Variants in HMGCLL1 observed in about 807,000 individuals in gnomAD.
HMGCLL1 encodes 3-hydroxy-3-methylglutaryl-CoA lyase like 1, also known as 3-hydroxymethyl-3-methylglutaryl-CoA lyase, cytoplasmic.
In HMGCLL1, 36 loss-of-function variants were observed where a neutral mutation model predicts 39.1. The observed-to-expected ratio is 0.92, with a 90% confidence interval of 0.71 to 1.22. HMGCLL1 has a LOEUF of 1.22. Among genes scored for constraint, HMGCLL1 ranks in the 50% most tolerant of loss-of-function variants. The pLI is 0.00. For synonymous variants in HMGCLL1, 149 were observed against 144.0 expected (o/e 1.03, Z -0.25); for missense variants, 451 against 416.5 (o/e 1.08, Z -0.72).
chr6:55,561,083 A>G (rs141250969), intron 1 of HMGCLL1, among the ~76,000 whole-genome samples: 2,008 of 152,304 alleles, frequency 0.013, 31 homozygotes, highest in Non-Finnish European at 0.023. Flanking sequence ...ATTATTCTGT[A>G]TATTAACAGT....
chr6:55,556,585 T>G (rs1581945472), intron 1 of HMGCLL1, among the ~76,000 whole-genome samples: 1 of 152,048 alleles, frequency 6.6e-6, no homozygotes, highest in Admixed American at 6.5e-5. Flanking sequence ...CCCAGGCAGA[T>G]GGAAAGCCAC....
At chr6:55,663,977 A>G in the HMGCLL1 span, among the ~76,000 whole-genome samples, 2 of 151,700 alleles carry the variant, frequency 1.3e-5, no homozygotes, top group African/African-American at 4.8e-5. Flanking sequence ...ATTTATCTTA[A>G]ATTACAACTG....
Position 55,499,682 on chromosome 6 carries a change from G to A in HMGCLL1, c.543-383C>T, listed in dbSNP as rs145132814. 2.3e-3 allele frequency among the ~76,000 whole-genome samples: 352 copies of A among 152,078 alleles called. 1 individual carries two copies. The highest frequency in any genetic ancestry group is 8.2e-3 in the African/African-American group (340 of 41,526). ...TATCTGGGTCTTTGGAAACATACAAGGAGATCATGTAGTAAACTAACTGAA... is the reference window on the plus strand; with the variant it reads ...TATCTGGGTCTTTGGAAACATACAAAGAGATCATGTAGTAAACTAACTGAA... On this transcript the variant is annotated intron_variant, in intron 5 of 8. Coordinates refer to ENST00000274901, the MANE Select transcript of HMGCLL1 (RefSeq NM_001042406.2).
intron 7 of HMGCLL1, among the ~76,000 whole-genome samples, chr6:55,481,828 A>G (rs1307673840): frequency 6.6e-6 from 1 of 152,084 alleles, no homozygotes; most frequent in Non-Finnish European, 1.5e-5. Context: ...CTACCTATCT[A>G]TTTATCTTTG....
the HMGCLL1 span, among the ~76,000 whole-genome samples, chr6:55,628,503 C>A: frequency 6.6e-6 from 1 of 151,440 alleles, no homozygotes; most frequent in African/African-American, 2.4e-5. Context: ...GGGGTTTTGC[C>A]ATGTTAGCCA....
At chr6:55,604,978 T>C in the HMGCLL1 span, among the ~76,000 whole-genome samples, 1 of 152,218 alleles carries the variant, frequency 6.6e-6, no homozygotes, top group African/African-American at 2.4e-5. Context: ...CATTATTTTA[T>C]TTGTTGCTAT....
At position 55,437,384 on chromosome 6, in the gene HMGCLL1, G is replaced by A. The variant is rs567932319; in HGVS notation, c.922-1621C>T. Among the ~76,000 whole-genome samples, 17 of 151,892 alleles carry A rather than the reference G, an allele frequency of 1.1e-4. 1 individual carries two copies. The Middle Eastern group carries it at 0.017, about 152-fold the overall frequency. ...AATAGAGATATGCCCAGGTTATTACGGAGGCAGAGATATGAGGCCATCAAC... is the reference window on the plus strand; with the variant it reads ...AATAGAGATATGCCCAGGTTATTACAGAGGCAGAGATATGAGGCCATCAAC... On this transcript the variant is annotated intron_variant, in intron 8 of 8. Transcript: ENST00000274901.
the HMGCLL1 span, among the ~76,000 whole-genome samples, chr6:55,675,474 G>C: frequency 1.3e-5 from 2 of 152,150 alleles, no homozygotes; most frequent in East Asian, 3.9e-4. Context: ...GTCTTCTCAG[G>C]TGTCAGTGGC....
Position 55,514,147 on chromosome 6 carries a change from G to T in HMGCLL1, c.443C>A (p.Ser148Tyr), listed in dbSNP as rs1767613264. The change falls in exon 5 of 9, where the codon TCC becomes TAC. Residue 148 changes from serine to tyrosine, a missense_variant. Transcript: ENST00000274901. The stretch of plus-strand genomic sequence containing the variant: ...ACAGTTAATATTCTTCTTGCTAAAG[G>T]ATTCAGATGCAGCTCCAAAAACTGA... The part of the protein sequence containing the change: ...EISVFGAASE[S>Y]FSKKNINCSI... The T allele has an allele frequency of 1.9e-6, 3 of 1,611,904 alleles. No individual in the cohort carries two copies. The South Asian group carries it at 3.3e-5, about 18-fold the overall frequency.
chr6:55,576,545 A>G (rs922073354), intron 1 of HMGCLL1, among the ~76,000 whole-genome samples: 2 of 152,212 alleles, frequency 1.3e-5, no homozygotes, highest in Non-Finnish European at 2.9e-5. Context: ...AATAGGGAAC[A>G]CTTTCCAATT....
At chr6:55,548,494 C>T (rs368456396) in intron 1 of HMGCLL1, among the ~76,000 whole-genome samples, 3 of 151,982 alleles carry the variant, frequency 2.0e-5, no homozygotes, top group Admixed American at 6.6e-5. Context: ...GCATTTGCCA[C>T]ATATGACAGA....
At chr6:55,641,250 T>G in the HMGCLL1 span, among the ~76,000 whole-genome samples, 1 of 151,766 alleles carries the variant, frequency 6.6e-6, no homozygotes, top group East Asian at 1.9e-4. Context: ...AAAGAATGAA[T>G]AATTTTTAAA....
chr6:55,577,485 G>A (rs2127480234), intron 1 of HMGCLL1, among the ~76,000 whole-genome samples: 2 of 152,242 alleles, frequency 1.3e-5, no homozygotes, highest in South Asian at 4.2e-4. Flanking sequence ...TCATTAAGCT[G>A]ATGAATGCCC....
intron 7 of HMGCLL1, among the ~76,000 whole-genome samples, chr6:55,486,881 T>C: frequency 6.6e-6 from 1 of 152,122 alleles, no homozygotes; most frequent in Non-Finnish European, 1.5e-5. Flanking sequence ...CAGTATCTGG[T>C]GAGGGCTGTT....
intron 7 of HMGCLL1, among the ~76,000 whole-genome samples, chr6:55,467,841 T>C (rs1052697998): frequency 6.6e-6 from 1 of 151,996 alleles, no homozygotes; most frequent in African/African-American, 2.4e-5. Context: ...TAATGAGTGG[T>C]GCACTGATAT....
chr6:55,664,708 G>A, the HMGCLL1 span, among the ~76,000 whole-genome samples: 6 of 151,662 alleles, frequency 4.0e-5, no homozygotes, highest in Admixed American at 6.6e-5. Flanking sequence ...TTTGGCTCAA[G>A]GTCTCTCATG....
Position 55,495,446 on chromosome 6 carries a change from G to A in HMGCLL1, c.768C>T (p.Ala256=). ...AVHCHDTYGQ[A]LANILTALQM... is the part of the protein sequence containing the mutation. ...GAAGGGCCGTAAGGATATTTGCTAA[G>A]GCTTGTCCGTATGTGTCATGACAGT... Residue 256 remains alanine, a synonymous_variant, in exon 7 of 9, where the codon GCC becomes GCT. Coordinates refer to ENST00000274901, the MANE Select transcript of HMGCLL1 (RefSeq NM_001042406.2). 1 of 1,613,916 alleles carries A rather than the reference G, an allele frequency of 6.2e-7. No individual in the cohort carries two copies. Among genetic ancestry groups the A allele is most frequent in the Non-Finnish European group, 8.5e-7 (1 of 1,179,898 alleles).
rs9637975 is a variant in HMGCLL1, at chr6:55,466,969, T to C, written c.796-27410A>G. On this transcript the variant is annotated intron_variant, in intron 7 of 8. Transcript: ENST00000274901. ...GTGTTTTCAGCCTCATCATTTATCA[T>C]TGTCTTACATGATATAATTTTAGCT... 9.2e-5 allele frequency among the ~76,000 whole-genome samples: 14 copies of C among 152,242 alleles called. No homozygotes were observed. The East Asian group carries it at 2.7e-3, about 29-fold the overall frequency.
chr6:55,505,897 T>C (rs1198110983), intron 5 of HMGCLL1, among the ~76,000 whole-genome samples: 1 of 151,694 alleles, frequency 6.6e-6, no homozygotes, highest in Non-Finnish European at 1.5e-5. Flanking sequence ...CTTGGAAAAG[T>C]TGCCACGTAA....
Sources: gnomAD v4.1 joint callset for allele counts (sites outside exome capture counted in the v4.1 genomes callset) on GRCh38, gnomAD v4.1.1 for gene constraint, MANE v1.5 for transcripts, NCBI Gene and HGNC (gene_info 2026-07-23, HGNC 2026-07-21) for gene names.